Variants in KLHDC4 observed in about 807,000 individuals in gnomAD.
KLHDC4 encodes kelch domain containing 4.
KLHDC4 carries 90 observed loss-of-function variants against 62.4 expected under a neutral mutation model. That is an observed-to-expected ratio of 1.44 (90% CI 1.22 to 1.72). The LOEUF is 1.72. KLHDC4 is among the 40% of genes most tolerant of loss of function. The pLI is 0.00. For missense variants in KLHDC4, 1,025 were observed against 699.7 expected, an observed-to-expected ratio of 1.47 and a Z score of -5.25; for synonymous variants, 386 against 284.4, an observed-to-expected ratio of 1.36 and a Z score of -3.59.
rs750249019 is a variant in KLHDC4 at position 87,709,349 on chromosome 16, C to T, written c.1363G>A (p.Asp455Asn). ...AGGTCGCTGAGGGTGACCTGGCGGT[C>T]GCCGGCCTCAAACATGCCCCCATAG... The part of the protein sequence containing the change: ...YVYGGMFEAG[D>N]RQVTLSDLHC... Residue 455 changes from aspartate (D) to asparagine (N), a missense_variant, in exon 10 of 12, where the codon GAC (aspartate) becomes AAC (asparagine). Transcript: ENST00000270583. 1.1e-5 allele frequency: 18 copies of T among 1,613,294 alleles called. No individual in the cohort carries two copies. Among genetic ancestry groups the T allele is most frequent in the East Asian group, 4.5e-5 (2 of 44,896 alleles).
Position 87,727,407 on chromosome 16 carries a change from G to A in KLHDC4, c.600-483C>T, listed in dbSNP as rs191847942. Reference sequence around the variant, plus strand: ...AATGGCGCCTCCAAAGGGATGATCAGAACGGAGGTGTGAGCAGCCTGGCAG... The same window carrying A: ...AATGGCGCCTCCAAAGGGATGATCAAAACGGAGGTGTGAGCAGCCTGGCAG... On this transcript the variant is annotated intron_variant, in intron 6 of 11. Transcript: ENST00000270583. Among the ~76,000 whole-genome samples, 441 of 152,358 alleles carry A rather than the reference G, an allele frequency of 2.9e-3. 1 individual carries two copies. The highest frequency in any genetic ancestry group is 8.8e-3 in the African/African-American group (364 of 41,588).
At chr16:87,714,207 T>G (rs2036465008) in intron 8 of KLHDC4, among the ~76,000 whole-genome samples, 1 of 152,196 alleles carries the variant, frequency 6.6e-6, no homozygotes, top group South Asian at 2.1e-4. Context: ...CAGGAGCTGC[T>G]GAGGGGCACT....
At chr16:87,765,438 G>C (rs1302260371) in intron 1 of KLHDC4, 1 of 496,274 alleles carries the variant, frequency 2.0e-6, no homozygotes, top group African/African-American at 1.9e-5. Flanking sequence ...AGGTCTTCCT[G>C]TGCCAAACCC....
At chr16:87,705,432 G>A (rs926899067), downstream of KLHDC4, among the ~76,000 whole-genome samples, 2 of 152,248 alleles carry the variant, frequency 1.3e-5, no homozygotes, top group Non-Finnish European at 2.9e-5. Context: ...TCCATGCTGG[G>A]AGCTTGTCTA....
chr16:87,764,584 G>C (rs1339318479), intron 1 of KLHDC4, among the ~76,000 whole-genome samples: 2 of 145,960 alleles, frequency 1.4e-5, no homozygotes, highest in Non-Finnish European at 3.0e-5. Context: ...GGGAGGCGGA[G>C]GTGCAGTGAG....
intron 6 of KLHDC4, among the ~76,000 whole-genome samples, chr16:87,730,252 C>G (rs1302393877): frequency 6.6e-6 from 1 of 152,242 alleles, no homozygotes; most frequent in Non-Finnish European, 1.5e-5. Context: ...CCATGCCCAG[C>G]CAAAACCCCA....
intron 9 of KLHDC4, chr16:87,710,294 A>T (rs972606945): frequency 3.3e-5 from 5 of 152,304 alleles, no homozygotes; most frequent in Non-Finnish European, 7.3e-5. Context: ...AGCCTTTGTC[A>T]TTTTGTCACA....
chr16:87,753,349 A>T (rs142911041), intron 4 of KLHDC4, among the ~76,000 whole-genome samples: 1 of 152,328 alleles, frequency 6.6e-6, no homozygotes, highest in Non-Finnish European at 1.5e-5. Flanking sequence ...CGAGGTGAAA[A>T]GATGTCACTG....
intron 5 of KLHDC4, among the ~76,000 whole-genome samples, chr16:87,734,956 ACGAATTGCCTGACGCCCCTCCCCCTCCTG>A (rs2041033093): frequency 2.6e-5 from 1 of 37,926 alleles, no homozygotes; most frequent in Non-Finnish European, 5.6e-5. Flanking sequence ...CCCACTCCTG[ACGAATTGCCTGACGCCCCTCCCCCTCCTG>A]ACGAATTGCC....
In KLHDC4 at chr16:87,714,523, C is replaced by A. The variant is rs759903960; in HGVS notation, c.810G>T (p.Leu270=). 9 of 1,614,220 alleles carry A rather than the reference C, an allele frequency of 5.6e-6. No homozygotes were observed. The South Asian group carries it at 7.7e-5, about 14-fold the overall frequency. The part of the protein sequence containing the change: ...DKGTRHSDMF[L]LKPEDGREDK... ...CTTCTCTTCCGTCCTCTGGCTTCAG[C>A]AGGAACATGTCTGAGTGCCGTGTGC... is the stretch of plus-strand genomic sequence containing the variant. The change falls in exon 8 of 12, where the codon CTG becomes CTT. Residue 270 remains leucine, a synonymous_variant. Coordinates refer to ENST00000270583, the MANE Select transcript of KLHDC4 (RefSeq NM_017566.4).
Position 87,714,569 on chromosome 16 carries a change from A to C in KLHDC4, c.764T>G (p.Val255Gly). 1 of 1,613,988 alleles carries C rather than the reference A, an allele frequency of 6.2e-7. No individual in the cohort carries two copies. The highest frequency in any genetic ancestry group is 1.1e-5 in the South Asian group (1 of 91,082). The change falls in exon 8 of 12, where the codon GTT becomes GGT. Residue 255 changes from valine to glycine, a missense_variant. Val to Gly is a moderately radical substitution (Grantham distance 109, BLOSUM62 -3). Coordinates refer to ENST00000270583, the MANE Select transcript of KLHDC4 (RefSeq NM_017566.4). Reference protein sequence around the residue: ...VVYGGYSKQRVKKDVDKGTRH... With the variant: ...VVYGGYSKQRGKKDVDKGTRH... ...TGTGCCCTTGTCCACGTCTTTCTTA[A>C]CTCTCTGCAATGGAAAGGAATTGTG...
chr16:87,721,881 C>T (rs551661775), intron 7 of KLHDC4, among the ~76,000 whole-genome samples: 10 of 152,126 alleles, frequency 6.6e-5, no homozygotes, highest in Non-Finnish European at 1.0e-4. Context: ...AGCAGGACTC[C>T]GCCCCTCGCT....
At chr16:87,722,605 C>T (rs1031275696) in intron 7 of KLHDC4, among the ~76,000 whole-genome samples, 3 of 152,234 alleles carry the variant, frequency 2.0e-5, no homozygotes, top group Non-Finnish European at 2.9e-5. Flanking sequence ...CTCTCTTCTC[C>T]GGGCTGAGAG....
At position 87,735,656 on chromosome 16, in the gene KLHDC4, C is replaced by T. The variant is rs147364391; in HGVS notation, c.507-5012G>A. Among the ~76,000 whole-genome samples, 24 of 152,390 alleles carry T rather than the reference C, an allele frequency of 1.6e-4. No individual in the cohort carries two copies. In the East Asian group the frequency reaches 4.6e-3, roughly 29 times the overall value. The stretch of plus-strand genomic sequence containing the variant: ...GTCCCTCTTTAGAAAAATAAAGCTA[C>T]TTTAAAAAGCCCATTTATATTTGAA... On this transcript the variant is annotated intron_variant, in intron 5 of 11. Transcript: ENST00000270583.
intron 1 of KLHDC4, chr16:87,765,406 A>C: frequency 2.1e-6 from 1 of 482,154 alleles, no homozygotes; most frequent in South Asian, 1.5e-5. Flanking sequence ...CATCATGCAG[A>C]GGCAGCCCCC....
At chr16:87,721,819 G>A (rs1290248784) in intron 7 of KLHDC4, among the ~76,000 whole-genome samples, 2 of 152,272 alleles carry the variant, frequency 1.3e-5, no homozygotes, top group African/African-American at 2.4e-5. Flanking sequence ...ACCTCCAGGC[G>A]CACAATGACA....
intron 10 of KLHDC4, chr16:87,708,693 C>T: frequency 2.4e-6 from 1 of 416,790 alleles, no homozygotes; most frequent in Non-Finnish European, 4.2e-6. Context: ...AAAAGCACCC[C>T]CATAACGGAG....
At chr16:87,703,497 G>C (rs965587699), downstream of KLHDC4, 3 of 152,328 alleles carry the variant, frequency 2.0e-5, no homozygotes, top group African/African-American at 7.2e-5. Context: ...GGAGTGCACA[G>C]GCGGTTTTTA....
In KLHDC4 at chr16:87,755,305, A is replaced by C; in HGVS notation, c.271-13T>G. 1 of 1,430,132 alleles carries C rather than the reference A, an allele frequency of 7.0e-7. No individual in the cohort carries two copies. Among genetic ancestry groups the C allele is most frequent in the South Asian group, 1.2e-5 (1 of 86,626 alleles). The allele number at this position is 1,430,132 out of a possible 1,614,324, so 88.6% of individuals were successfully genotyped here. A position where few individuals can be genotyped will look rare whatever the true frequency, so the allele number is the denominator to read the frequency against. On this transcript the variant is annotated splice_polypyrimidine_tract_variant and intron_variant, in intron 3 of 11. Transcript: ENST00000270583. ...TATACAAAAAAGTCTACAGGAAGGA[A>C]GAAGAATGTCAGTGTCACAAATGAT...
Sources: gnomAD v4.1 joint callset for allele counts (sites outside exome capture counted in the v4.1 genomes callset) on GRCh38, gnomAD v4.1.1 for gene constraint, MANE v1.5 for transcripts, NCBI Gene and HGNC (gene_info 2026-07-23, HGNC 2026-07-21) for gene names.